ANXA8: variants seen among roughly 807,000 people sequenced by gnomAD.
ANXA8 encodes the protein annexin A8, also known as VAC-beta.
In ANXA8, 9 loss-of-function variants were observed where a neutral mutation model predicts 26.8. The ratio of observed to expected loss-of-function variants is 0.34; its 90% confidence interval spans 0.20 to 0.59. The LOEUF (loss-of-function observed/expected upper bound fraction) is 0.59, where lower values mean the gene tolerates loss of function less well. ANXA8 is among the 20% of genes least tolerant of loss of function. The pLI is 0.84. For missense variants in ANXA8, 83 were observed against 238.5 expected (o/e 0.35, Z 4.29); for synonymous variants, 39 against 94.8 (o/e 0.41, Z 3.42).
the ANXA8 span, among the ~76,000 whole-genome samples, chr10:47,755,596 C>T: frequency 7.7e-6 from 1 of 130,562 alleles, no homozygotes; most frequent in Non-Finnish European, 1.6e-5. Flanking sequence ...TCAGCAGCCT[C>T]GCCTCCTGGG....
the ANXA8 span, among the ~76,000 whole-genome samples, chr10:47,695,693 G>A: frequency 2.8e-4 from 43 of 151,790 alleles, no homozygotes; most frequent in Middle Eastern, 3.4e-3. Flanking sequence ...GTTAATATAC[G>A]TTTATACCTC....
chr10:47,763,762 G>A, the ANXA8 span, among the ~76,000 whole-genome samples: 1 of 142,348 alleles, frequency 7.0e-6, no homozygotes, highest in Non-Finnish European at 1.5e-5. Context: ...AGGAATGTGT[G>A]TATCTGTGGT....
At chr10:47,940,695 G>A in the ANXA8 span, among the ~76,000 whole-genome samples, 1 of 147,148 alleles carries the variant, frequency 6.8e-6, no homozygotes, top group Non-Finnish European at 1.5e-5. Flanking sequence ...CAGGCGTGGT[G>A]GTGGGCGTCT....
the ANXA8 span, among the ~76,000 whole-genome samples, chr10:47,694,206 T>C: frequency 1.4e-4 from 21 of 151,822 alleles, no homozygotes; most frequent in African/African-American, 4.6e-4. Context: ...TGAACTTTTT[T>C]TAAAAAATCA....
the ANXA8 span, chr10:47,567,836 A>G: frequency 3.4e-6 from 1 of 292,830 alleles, no homozygotes; most frequent in Admixed American, 4.6e-5. Flanking sequence ...TATTTCTTGA[A>G]CTTTCAGAAA....
At chr10:47,981,937 G>C in the ANXA8 span, among the ~76,000 whole-genome samples, 8 of 152,144 alleles carry the variant, frequency 5.3e-5, 2 homozygotes, top group Admixed American at 4.6e-4. Context: ...GCAGATGCAA[G>C]AGACCCAGAA....
chr10:47,543,346 G>A, the ANXA8 span: 10 of 59,778 alleles, frequency 1.7e-4, no homozygotes, highest in Non-Finnish European at 2.2e-4. Flanking sequence ...CACTGGAACA[G>A]TGGCCCTCTA....
the ANXA8 span, among the ~76,000 whole-genome samples, chr10:47,962,623 T>TAC: frequency 0.092 from 7,272 of 78,620 alleles, 1 homozygote; most frequent in African/African-American, 0.25. Flanking sequence ...CTCACACACT[T>TAC]ACACACACAC....
chr10:47,495,261 T>TA, the ANXA8 span, among the ~76,000 whole-genome samples: 3 of 105,048 alleles, frequency 2.9e-5, 1 homozygote, highest in Non-Finnish European at 6.2e-5. Flanking sequence ...ATGGCATTAT[T>TA]ATTATTATTA....
chr10:47,680,903 CAT>C, the ANXA8 span, among the ~76,000 whole-genome samples: 9 of 150,914 alleles, frequency 6.0e-5, no homozygotes, highest in East Asian at 1.5e-3. Flanking sequence ...GCTTTAGGAG[CAT>C]ATGTCATATG....
At chr10:47,943,151 C>T in the ANXA8 span, among the ~76,000 whole-genome samples, 2 of 145,118 alleles carry the variant, frequency 1.4e-5, no homozygotes, top group Non-Finnish European at 3.0e-5. Context: ...AAACCAGACT[C>T]AGAAGTCTGA....
chr10:47,733,150 T>TTTCTTTCTTTCTTTCTTTCTTTCTTTC, the ANXA8 span, among the ~76,000 whole-genome samples: 1 of 67,580 alleles, frequency 1.5e-5, no homozygotes, highest in South Asian at 5.6e-4. Flanking sequence ...CTAATCTTTC[T>TTTCTTTCTTTCTTTCTTTCTTTCTTTC]TTCTTTCTTT....
chr10:47,701,582 A>T, the ANXA8 span, among the ~76,000 whole-genome samples: 4 of 151,966 alleles, frequency 2.6e-5, no homozygotes, highest in East Asian at 7.7e-4. Flanking sequence ...ACATACTGTT[A>T]TGTGAAAACA....
the ANXA8 span, among the ~76,000 whole-genome samples, chr10:47,938,117 T>C: frequency 6.0e-5 from 2 of 33,194 alleles, no homozygotes; most frequent in African/African-American, 2.5e-4. Flanking sequence ...TTTTCCACAA[T>C]GATTGAATTA....
the ANXA8 span, among the ~76,000 whole-genome samples, chr10:47,585,481 T>A: frequency 8.3e-5 from 11 of 133,022 alleles, no homozygotes; most frequent in Admixed American, 4.5e-4. Context: ...TCTCAGGGGA[T>A]CCCGTGGATA....
chr10:47,945,608 G>C, the ANXA8 span, among the ~76,000 whole-genome samples: 2 of 141,666 alleles, frequency 1.4e-5, no homozygotes, highest in East Asian at 4.5e-4. Context: ...CTTCCTGGAT[G>C]ATGACACCAG....
chr10:47,686,328 C>T, the ANXA8 span, among the ~76,000 whole-genome samples: 1 of 150,058 alleles, frequency 6.7e-6, no homozygotes, highest in Non-Finnish European at 1.5e-5. Context: ...AAGCGATTCT[C>T]ATGCCTCAGC....
chr10:47,738,173 TG>T, the ANXA8 span, among the ~76,000 whole-genome samples: 3 of 149,716 alleles, frequency 2.0e-5, no homozygotes, highest in Non-Finnish European at 4.4e-5. Context: ...TCATTTCTCT[TG>T]GGTATGTACC....
At chr10:47,940,917 AGAGG>A in the ANXA8 span, among the ~76,000 whole-genome samples, 2 of 140,664 alleles carry the variant, frequency 1.4e-5, no homozygotes, top group South Asian at 2.4e-4. Context: ...AGAGAGAGAA[AGAGG>A]GAGGGAGGAA....
Sources: allele counts gnomAD v4.1 joint callset (sites outside exome capture counted in the v4.1 genomes callset), GRCh38; gene constraint gnomAD v4.1.1; transcripts MANE v1.5; gene names NCBI Gene and HGNC (gene_info 2026-07-23, HGNC 2026-07-21).